TSPAN9: variants seen among roughly 807,000 people sequenced by gnomAD.
TSPAN9 encodes tetraspanin 9.
In TSPAN9, 16 loss-of-function variants were observed where a neutral mutation model predicts 31.0. That is an observed-to-expected ratio of 0.52 (90% CI 0.35 to 0.78). The LOEUF is 0.78. TSPAN9 is among the 30% of genes least tolerant of loss of function. The pLI is 0.01. For missense variants in TSPAN9, 272 were observed against 312.5 expected, an observed-to-expected ratio of 0.87 and a Z score of 0.98; for synonymous variants, 145 against 121.6, an observed-to-expected ratio of 1.19 and a Z score of -1.27.
chr12:3,206,075 G>A (rs763564668), intron 3 of TSPAN9, among the ~76,000 whole-genome samples: 3 of 152,196 alleles, frequency 2.0e-5, no homozygotes, highest in South Asian at 2.1e-4. Context: ...GGAAGGGGCC[G>A]CTGGGCCCTC....
chr12:3,168,666 G>A lies in TSPAN9; in HGVS notation c.-17-32511G>A, dbSNP rs1384043153. 6.6e-6 allele frequency among the ~76,000 whole-genome samples: 1 copy of A among 152,182 alleles called. No homozygotes were observed. Among genetic ancestry groups the A allele is most frequent in the East Asian group, 1.9e-4 (1 of 5,194 alleles). On this transcript the variant is annotated intron_variant, in intron 2 of 8. Transcript: ENST00000011898. The surrounding 1 kb of genome is among the most constrained non-coding windows in gnomAD (Gnocchi z 4.0). Reference sequence around the variant, plus strand: ...AATGGATGTCTCAAGAGCAGTTACAGGCATTGGGAAAAAATTGAGCTCTGG... The same window carrying A: ...AATGGATGTCTCAAGAGCAGTTACAAGCATTGGGAAAAAATTGAGCTCTGG...
chr12:3,078,981 C>CTT (rs10716001), intron 1 of TSPAN9, among the ~76,000 whole-genome samples: 1 of 129,352 alleles, frequency 7.7e-6, no homozygotes. Flanking sequence ...AAATTTGTTA[C>CTT]TTTTTTTTTT....
At chr12:3,239,615 T>C (rs2098395537) in intron 3 of TSPAN9, among the ~76,000 whole-genome samples, 3 of 152,176 alleles carry the variant, frequency 2.0e-5, no homozygotes, top group Admixed American at 6.5e-5. Flanking sequence ...GAAAGTCTCT[T>C]TGCCGGGTCT....
At chr12:3,265,878 A>C (rs919932525) in intron 3 of TSPAN9, among the ~76,000 whole-genome samples, 13 of 152,232 alleles carry the variant, frequency 8.5e-5, no homozygotes, top group African/African-American at 2.7e-4. Context: ...GTGTGAGCTT[A>C]GACAGGATAC....
At position 3,132,052 on chromosome 12, in the gene TSPAN9, C is replaced by T. The variant is rs151187790; in HGVS notation, c.-18+48333C>T. Among the ~76,000 whole-genome samples the T allele has an allele frequency of 9.2e-5, 14 of 152,330 alleles. No individual in the cohort carries two copies. In the East Asian group the frequency reaches 1.9e-3, roughly 21 times the overall value. The stretch of plus-strand genomic sequence containing the variant: ...GGCCTTCTGTGTCTGGCTTCCTGCA[C>T]TTAGCGTATTTTCAAGGCTCACGCA... On this transcript the variant is annotated intron_variant, in intron 2 of 8. Coordinates refer to ENST00000011898, the MANE Select transcript of TSPAN9 (RefSeq NM_006675.5).
chr12:3,206,951 C>T (rs1207646115), intron 3 of TSPAN9, among the ~76,000 whole-genome samples: 1 of 152,114 alleles, frequency 6.6e-6, no homozygotes, highest in Non-Finnish European at 1.5e-5. Context: ...GAAGAGAGAA[C>T]ACATTGGTCC....
chr12:3,105,376 T>C (rs945759954), intron 2 of TSPAN9, among the ~76,000 whole-genome samples: 2 of 150,060 alleles, frequency 1.3e-5, no homozygotes, highest in Non-Finnish European at 2.9e-5. Flanking sequence ...GTCACTTCCA[T>C]AATCCTTATA....
At chr12:3,232,659 G>A (rs1193314683) in intron 3 of TSPAN9, among the ~76,000 whole-genome samples, 1 of 152,246 alleles carries the variant, frequency 6.6e-6, no homozygotes, top group African/African-American at 2.4e-5. Context: ...AGTGGAGACT[G>A]GGCTGTTTGT....
At chr12:3,127,005 G>T (rs901222650) in intron 2 of TSPAN9, among the ~76,000 whole-genome samples, 4 of 152,042 alleles carry the variant, frequency 2.6e-5, no homozygotes, top group African/African-American at 7.2e-5. Flanking sequence ...CGAATTCCTG[G>T]ATCAAGTGAT....
chr12:3,263,998 G>C (rs971995338), intron 3 of TSPAN9, among the ~76,000 whole-genome samples: 4 of 152,344 alleles, frequency 2.6e-5, no homozygotes, highest in Admixed American at 6.5e-5. Flanking sequence ...GGCTCTGTGA[G>C]AGGAGCATTT....
At chr12:3,231,466 C>G (rs55679497) in intron 3 of TSPAN9, among the ~76,000 whole-genome samples, 3 of 152,256 alleles carry the variant, frequency 2.0e-5, no homozygotes, top group Admixed American at 2.0e-4. Flanking sequence ...TGCATCAGCC[C>G]CGCGTCACTA....
chr12:3,247,309 C>G lies in TSPAN9; in HGVS notation c.64-31112C>G, dbSNP rs1448125903. 1.5e-4 allele frequency among the ~76,000 whole-genome samples: 8 copies of G among 52,434 alleles called. 1 individual carries two copies. Among genetic ancestry groups the G allele is most frequent in the Admixed American group, 3.3e-4 (2 of 6,056 alleles). The allele number at this position is 52,434 out of a possible 152,430, so 34.4% of individuals were successfully genotyped here. On this transcript the variant is annotated intron_variant, in intron 3 of 8. Coordinates refer to ENST00000011898, the MANE Select transcript of TSPAN9 (RefSeq NM_006675.5). The stretch of plus-strand genomic sequence containing the variant: ...GAGCATTACTGGCCAGCCCCCCCCC[C>G]CCCGCCACCCGCGTCCCCAAGTAGA...
intron 2 of TSPAN9, among the ~76,000 whole-genome samples, chr12:3,195,257 G>A (rs572417980): frequency 7.2e-5 from 11 of 152,318 alleles, no homozygotes; most frequent in African/African-American, 2.4e-4. Flanking sequence ...ACTGAGCCCT[G>A]TCTCATGCTG....
chr12:3,138,336 G>T (rs1295127997), intron 2 of TSPAN9, among the ~76,000 whole-genome samples: 3 of 152,112 alleles, frequency 2.0e-5, no homozygotes, highest in Non-Finnish European at 4.4e-5. Context: ...CTCACTGCGG[G>T]TCATTCACCA....
Position 3,280,237 on chromosome 12 carries a change from G to A in TSPAN9, c.331-145G>A. The A allele has an allele frequency of 1.4e-6, 1 of 694,334 alleles. No homozygotes were observed. The highest frequency in any genetic ancestry group is 2.5e-6 in the Non-Finnish European group (1 of 406,566). The allele number at this position is 694,334 out of a possible 1,614,324, so 43.0% of individuals were successfully genotyped here. A position where few individuals can be genotyped will look rare whatever the true frequency, so the allele number is the denominator to read the frequency against. On this transcript the variant is annotated intron_variant, in intron 5 of 8. Transcript: ENST00000011898. This position sits in a 1 kb window ranked among gnomAD's most constrained non-coding sequence, Gnocchi z 4.5. Reference sequence around the variant, plus strand: ...TGGGCCAGCAGAGGCCCCCACCCCAGTGGGCAGGGCCTTCCAGACCAGCTG... The same window carrying A: ...TGGGCCAGCAGAGGCCCCCACCCCAATGGGCAGGGCCTTCCAGACCAGCTG...
chr12:3,259,745 C>T (rs991946558), intron 3 of TSPAN9, among the ~76,000 whole-genome samples: 4 of 152,282 alleles, frequency 2.6e-5, no homozygotes, highest in Non-Finnish European at 4.4e-5. Context: ...GAACCCAGCA[C>T]GGGGGTGGCG....
At chr12:3,100,639 C>T (rs764563455) in intron 2 of TSPAN9, among the ~76,000 whole-genome samples, 3 of 152,152 alleles carry the variant, frequency 2.0e-5, no homozygotes, top group Non-Finnish European at 4.4e-5. Flanking sequence ...CCAGGGCTGT[C>T]CCCGGGAGTC....
chr12:3,285,838 G>A lies in TSPAN9; in HGVS notation c.*2722G>A. On this transcript the variant is annotated 3_prime_UTR_variant, in exon 9 of 9. Transcript: ENST00000011898. ...TCCGCTGCAGACTCAGCCTTTCTCT[G>A]CAGCCATCCTGCAGTGGGGGTGAGC... 1 of 152,420 alleles carries A rather than the reference G, an allele frequency of 6.6e-6. No individual in the cohort carries two copies. Among genetic ancestry groups the A allele is most frequent in the Non-Finnish European group, 1.5e-5 (1 of 68,078 alleles). 9.4% of individuals were successfully genotyped at this position (152,420 alleles called of 1,614,324 possible). A position where few individuals can be genotyped will look rare whatever the true frequency, so the allele number is the denominator to read the frequency against.
At chr12:3,096,066 G>C (rs961610843) in intron 2 of TSPAN9, among the ~76,000 whole-genome samples, 2 of 151,972 alleles carry the variant, frequency 1.3e-5, no homozygotes, top group South Asian at 4.2e-4. Flanking sequence ...CGGCGCGGCG[G>C]CAAAGACTGA....
Sources: allele counts gnomAD v4.1 joint callset (sites outside exome capture counted in the v4.1 genomes callset), GRCh38; gene constraint gnomAD v4.1.1; non-coding constraint Gnocchi (gnomAD v3.1); transcripts MANE v1.5; gene names NCBI Gene and HGNC (gene_info 2026-07-23, HGNC 2026-07-21).